ARHGEF4: variants seen among roughly 807,000 people sequenced by gnomAD.
ARHGEF4 encodes the protein Rho guanine nucleotide exchange factor 4.
In ARHGEF4, 119 loss-of-function variants were observed where a neutral mutation model predicts 162.0. That is an observed-to-expected ratio of 0.73 (90% confidence interval 0.63 to 0.86). The LOEUF (loss-of-function observed/expected upper bound fraction) is 0.86. ARHGEF4 is among the 40% of genes least tolerant of loss of function. The pLI is 0.00. For synonymous variants in ARHGEF4, 1,014 were observed against 979.9 expected (o/e 1.03, Z -0.65); for missense variants, 2,488 against 2,456.0 (o/e 1.01, Z -0.28).
intron 4 of ARHGEF4, among the ~76,000 whole-genome samples, chr2:131,011,342 A>G (rs1688436805): frequency 6.6e-6 from 1 of 152,182 alleles, no homozygotes; most frequent in Non-Finnish European, 1.5e-5. Context: ...TAGGAATTTT[A>G]TGGGAAATAT....
At chr2:130,893,814 TG>T (rs1357427095) in intron 1 of ARHGEF4, among the ~76,000 whole-genome samples, 1 of 152,212 alleles carries the variant, frequency 6.6e-6, no homozygotes, top group Non-Finnish European at 1.5e-5. Flanking sequence ...TCACTGCATA[TG>T]CCCAGGGGCC....
intron 5 of ARHGEF4, among the ~76,000 whole-genome samples, chr2:131,028,520 AG>A (rs781160407): frequency 4.6e-5 from 7 of 152,220 alleles, no homozygotes; most frequent in Non-Finnish European, 8.8e-5. Flanking sequence ...ACAGGAGTTC[AG>A]AAGTATTGCT....
At chr2:131,037,474 G>A (rs1445199597) in intron 5 of ARHGEF4, among the ~76,000 whole-genome samples, 1 of 152,220 alleles carries the variant, frequency 6.6e-6, no homozygotes, top group African/African-American at 2.4e-5. Flanking sequence ...AGTGAAAGGA[G>A]GGCTCCTGGG....
chr2:130,976,919 G>C (rs1043805377), intron 4 of ARHGEF4, among the ~76,000 whole-genome samples: 3 of 151,048 alleles, frequency 2.0e-5, no homozygotes, highest in African/African-American at 7.3e-5. Context: ...GGTGTGTATG[G>C]TGTGTTAGTA....
chr2:131,043,305 T>C (rs1000317640), intron 10 of ARHGEF4, 147 bp from the exon 11 acceptor site: 3 of 1,069,088 alleles, frequency 2.8e-6, no homozygotes, highest in African/African-American at 1.6e-5. Flanking sequence ...ACGTGCCACC[T>C]CTTCCTCCCC....
intron 4 of ARHGEF4, among the ~76,000 whole-genome samples, chr2:131,020,644 A>G (rs1019277359): frequency 3.9e-5 from 6 of 152,174 alleles, no homozygotes; most frequent in South Asian, 2.1e-4. Context: ...TAGTGCTGCA[A>G]TAAACTTACC....
At chr2:130,971,055 G>A (rs1685327668) in intron 4 of ARHGEF4, among the ~76,000 whole-genome samples, 1 of 152,052 alleles carries the variant, frequency 6.6e-6, no homozygotes, top group African/African-American at 2.4e-5. Context: ...TTTATATTTT[G>A]TACTTAGATC....
At chr2:130,892,753 C>T (rs114290061) in intron 1 of ARHGEF4, among the ~76,000 whole-genome samples, 1,842 of 152,276 alleles carry the variant, frequency 0.012, 39 homozygotes, top group African/African-American at 0.042. Flanking sequence ...CCTGCTCACC[C>T]CTGCATGTCT....
At chr2:130,887,222 T>C (rs1679576593) in intron 1 of ARHGEF4, among the ~76,000 whole-genome samples, 1 of 151,950 alleles carries the variant, frequency 6.6e-6, no homozygotes, top group Non-Finnish European at 1.5e-5. Context: ...TCCCAGCTAC[T>C]TGGGAGGCTG....
At chr2:130,997,863 A>C (rs10190807) in intron 4 of ARHGEF4, among the ~76,000 whole-genome samples, 44,401 of 151,094 alleles carry the variant, frequency 0.29, 7,920 homozygotes, top group African/African-American at 0.5. Flanking sequence ...TACTGCCCCC[A>C]CTTAATGCAG....
intron 1 of ARHGEF4, among the ~76,000 whole-genome samples, chr2:130,880,339 G>C (rs1227590721): frequency 6.6e-6 from 1 of 152,194 alleles, no homozygotes; most frequent in African/African-American, 2.4e-5. Flanking sequence ...TGAAAAACCA[G>C]CTCTGCCTTC....
At chr2:130,909,166 G>A (rs1363579138) in intron 1 of ARHGEF4, among the ~76,000 whole-genome samples, 2 of 152,082 alleles carry the variant, frequency 1.3e-5, no homozygotes, top group South Asian at 2.1e-4. Context: ...CCCACTCCTC[G>A]GTATTTATCC....
At chr2:130,958,864 G>A (rs1036301116) in intron 4 of ARHGEF4, among the ~76,000 whole-genome samples, 2 of 151,930 alleles carry the variant, frequency 1.3e-5, no homozygotes, top group African/African-American at 4.8e-5. Flanking sequence ...ATTTTCTCTA[G>A]TATTGGTCAT....
Position 131,004,189 on chromosome 2 carries a change from G to A in ARHGEF4, c.3986-23756G>A, listed in dbSNP as rs755026344. On this transcript the variant is annotated intron_variant, in intron 4 of 13. Coordinates refer to ENST00000409359, the MANE Select transcript of ARHGEF4 (RefSeq NM_001367493.1). The stretch of plus-strand genomic sequence containing the variant: ...TTTTGTTTTGGGGTTTTTTTGAGAC[G>A]GAGTCTCACTCTGTCGCTCGGGCTG... Among the ~76,000 whole-genome samples, 3 of 152,064 alleles carry A rather than the reference G, an allele frequency of 2.0e-5. No homozygotes were observed. The East Asian group carries it at 5.8e-4, about 29-fold the overall frequency.
At chr2:130,850,519 T>C (rs557263329) in intron 1 of ARHGEF4, among the ~76,000 whole-genome samples, 1 of 152,254 alleles carries the variant, frequency 6.6e-6, no homozygotes, top group Admixed American at 6.5e-5. Context: ...TGCTCAGACT[T>C]CCAATTCCGA....
In ARHGEF4 at chr2:131,038,927, C is replaced by A. The variant is rs1202373547; in HGVS notation, c.4200C>A (p.Gly1400=). ...TCACCATGGACGACCAGGAGCTGGG[C>A]TTCAAAGCTGGGGACGTCATCGAAG... ...DHVTMDDQEL[G]FKAGDVIEVM... The change falls in exon 6 of 14, where the codon GGC becomes GGA. Residue 1400 remains glycine (G), a synonymous_variant. Coordinates refer to ENST00000409359, the MANE Select transcript of ARHGEF4 (RefSeq NM_001367493.1). 2 of 1,613,716 alleles carry A rather than the reference C, an allele frequency of 1.2e-6. No homozygotes were observed. Among genetic ancestry groups the A allele is most frequent in the Admixed American group, 1.7e-5 (1 of 60,010 alleles).
At chr2:130,987,654 A>G (rs535162012) in intron 4 of ARHGEF4, among the ~76,000 whole-genome samples, 1 of 152,296 alleles carries the variant, frequency 6.6e-6, no homozygotes, top group South Asian at 2.1e-4. Flanking sequence ...CTTGTAAGAC[A>G]GGAAAGTTCC....
In ARHGEF4 at chr2:130,914,685, A is replaced by T; in HGVS notation, c.739A>T (p.Arg247Trp). 1 of 1,393,110 alleles carries T rather than the reference A, an allele frequency of 7.2e-7. No homozygotes were observed. Among genetic ancestry groups the T allele is most frequent in the East Asian group, 2.6e-5 (1 of 38,458 alleles). The allele number at this position is 1,393,110 out of a possible 1,614,324, so 86.3% of individuals were successfully genotyped here. A position where few individuals can be genotyped will look rare whatever the true frequency, so the allele number is the denominator to read the frequency against. The change falls in exon 2 of 14, where the codon AGG (arginine) becomes TGG (tryptophan). Residue 247 changes from arginine (R) to tryptophan (W), a missense_variant. By Grantham distance (101) the Arg-to-Trp change is moderately radical (BLOSUM62 -3). This residue lies in a region of ARHGEF4 where 1,642 missense variants were observed against 1,481.5 expected (regional missense o/e 1.11). Transcript: ENST00000409359. ...TCGGAGTTGGCCACATATCCACAAC[A>T]GGGCCAGGGCACTGGTGCTACCTAG... Reference protein sequence around the residue: ...LGRSWPHIHNRARALVLPSRG... With the variant: ...LGRSWPHIHNWARALVLPSRG...
chr2:130,877,306 T>C (rs574747730), intron 1 of ARHGEF4, among the ~76,000 whole-genome samples: 63 of 152,324 alleles, frequency 4.1e-4, no homozygotes, highest in African/African-American at 1.4e-3. Context: ...CGAATAAATA[T>C]GGTATATATT....
Sources: gnomAD v4.1 joint callset for allele counts (sites outside exome capture counted in the v4.1 genomes callset) on GRCh38, gnomAD v4.1.1 for gene constraint, gnomAD v4.1.1 regional missense constraint, MANE v1.5 for transcripts, NCBI Gene and HGNC (gene_info 2026-07-23, HGNC 2026-07-21) for gene names.